DCUN1D4: variants seen among roughly 807,000 people sequenced by gnomAD.
DCUN1D4 encodes the protein DCN1-like protein 4.
Under a neutral mutation model 47.9 loss-of-function variants are expected in DCUN1D4, and 22 were observed. The observed-to-expected ratio is 0.46, with a 90% confidence interval of 0.33 to 0.66. DCUN1D4 has a LOEUF of 0.66. Ranked by LOEUF, DCUN1D4 falls within the 30% of genes least tolerant of loss-of-function variation. The pLI is 0.02. For synonymous variants in DCUN1D4, 121 were observed against 112.2 expected (o/e 1.08, Z -0.50); for missense variants, 301 against 340.8 (o/e 0.88, Z 0.92).
At position 51,900,858 on chromosome 4, in the gene DCUN1D4, C is replaced by T. The variant is rs540288113; in HGVS notation, c.615+1480C>T. On this transcript the variant is annotated intron_variant, in intron 8 of 10. Transcript: ENST00000334635. ...ATCATACCTTCTCTACCCAAATCAG[C>T]TCTATTTTCTAACTTCCTTGACTGG... Among the ~76,000 whole-genome samples the T allele has an allele frequency of 2.3e-4, 35 of 152,160 alleles. No homozygotes were observed. The South Asian group carries it at 4.8e-3, about 21-fold the overall frequency.
intron 1 of DCUN1D4, 123 bp from the exon 2 acceptor site, chr4:51,863,305 TTTAAAAAAC>T (rs1725364377): frequency 1.4e-6 from 1 of 738,772 alleles, no homozygotes; most frequent in African/African-American, 1.8e-5. Flanking sequence ...ATTGCATGTT[TTTAAAAAAC>T]TTTAGTGTCA....
intron 3 of DCUN1D4, 54 bp from the exon 4 acceptor site, chr4:51,874,217 C>A: frequency 8.4e-7 from 1 of 1,183,722 alleles, no homozygotes; most frequent in Non-Finnish European, 1.2e-6. Context: ...TTTGGAAGTA[C>A]AGAGTTAGGA....
intron 3 of DCUN1D4, 89 bp downstream of exon 3, chr4:51,863,798 A>G (rs1381987967): frequency 3.7e-6 from 5 of 1,342,916 alleles, no homozygotes; most frequent in Non-Finnish European, 5.2e-6. Context: ...CTATGTTGTC[A>G]TAATGTACTC....
At chr4:51,885,378 A>T (rs1027921418) in intron 5 of DCUN1D4, among the ~76,000 whole-genome samples, 3 of 152,178 alleles carry the variant, frequency 2.0e-5, no homozygotes, top group African/African-American at 7.2e-5. Context: ...TGTGAGAGAA[A>T]GGAGGAATAC....
chr4:51,859,039 C>T (rs1330167363), intron 1 of DCUN1D4, among the ~76,000 whole-genome samples: 1 of 152,160 alleles, frequency 6.6e-6, no homozygotes, highest in East Asian at 1.9e-4. Flanking sequence ...TTTATTTCTC[C>T]AGATGAACTT....
intron 1 of DCUN1D4, among the ~76,000 whole-genome samples, chr4:51,856,112 A>C (rs1039700277): frequency 6.6e-6 from 1 of 152,196 alleles, no homozygotes; most frequent in African/African-American, 2.4e-5. Flanking sequence ...GATGAGTGCC[A>C]AGGTTAGATG....
At chr4:51,903,333 C>T (rs527498762) in intron 8 of DCUN1D4, among the ~76,000 whole-genome samples, 12 of 152,250 alleles carry the variant, frequency 7.9e-5, no homozygotes, top group Admixed American at 1.3e-4. Flanking sequence ...AGTAATGTCT[C>T]TGCATTGTCT....
At chr4:51,845,596 C>T (rs989908235) in intron 1 of DCUN1D4, among the ~76,000 whole-genome samples, 1 of 152,118 alleles carries the variant, frequency 6.6e-6, no homozygotes, top group Non-Finnish European at 1.5e-5. Flanking sequence ...TTACTGTTTA[C>T]AGGGAAGGGA....
At chr4:51,878,634 C>G (rs1728053799) in intron 5 of DCUN1D4, among the ~76,000 whole-genome samples, 1 of 152,114 alleles carries the variant, frequency 6.6e-6, no homozygotes, top group African/African-American at 2.4e-5. Context: ...CCCTCTAATC[C>G]CAACCCTATC....
intron 1 of DCUN1D4, among the ~76,000 whole-genome samples, chr4:51,857,318 G>A (rs1160360235): frequency 2.0e-5 from 3 of 152,062 alleles, no homozygotes; most frequent in East Asian, 1.9e-4. Context: ...TCTAACTTAC[G>A]GCCCTAATGC....
chr4:51,843,013 G>T, upstream of DCUN1D4: 1 of 1,324,556 alleles, frequency 7.5e-7, no homozygotes, highest in African/African-American at 1.5e-5. Flanking sequence ...GGGGGGCGGG[G>T]CCTCGTTGCC....
At chr4:51,843,690 G>T in intron 1 of DCUN1D4, 2 of 1,242,340 alleles carry the variant, frequency 1.6e-6, no homozygotes, top group Middle Eastern at 2.9e-4. Flanking sequence ...GGGGCACAAG[G>T]GTGAGGATTT....
chr4:51,891,672 C>T (rs1372513132), intron 6 of DCUN1D4, 88 bp from the exon 7 acceptor site: 7 of 1,027,054 alleles, frequency 6.8e-6, no homozygotes, highest in East Asian at 5.4e-5. Flanking sequence ...TTTAGCAAAA[C>T]GTTAATGTAT....
chr4:51,837,221 C>T, the DCUN1D4 span, among the ~76,000 whole-genome samples: 2 of 152,090 alleles, frequency 1.3e-5, no homozygotes, highest in African/African-American at 2.4e-5. Flanking sequence ...CATTTTTATT[C>T]AAATACTTTG....
Position 51,914,913 on chromosome 4 carries a change from C to A in DCUN1D4, c.*1329C>A, listed in dbSNP as rs1667518262. On this transcript the variant is annotated 3_prime_UTR_variant, in exon 11 of 11. Transcript: ENST00000334635. ...ATCTGGTGCTATTGAATGACTAATT[C>A]AGTCCCTAAAGTTCTGTGAAAACAC... 7.2e-6 allele frequency: 1 copy of A among 139,628 alleles called. No homozygotes were observed. The highest frequency in any genetic ancestry group is 8.0e-5 in the Admixed American group (1 of 12,542). 8.6% of individuals were successfully genotyped at this position (139,628 alleles called of 1,614,324 possible). A position where few individuals can be genotyped will look rare whatever the true frequency, so the allele number is the denominator to read the frequency against.
intron 3 of DCUN1D4, among the ~76,000 whole-genome samples, chr4:51,866,640 A>G (rs142106901): frequency 6.6e-6 from 1 of 152,246 alleles, no homozygotes; most frequent in East Asian, 1.9e-4. Context: ...ATGCAGGAAT[A>G]TAACTTTTGG....
At position 51,899,373 on chromosome 4, in the gene DCUN1D4, G is replaced by T; in HGVS notation, c.610G>T (p.Ala204Ser). ...KLIYRYAFDF[A>S]REKDQRSLDI... ...TATTTACAGATATGCGTTTGACTTT[G>T]CACGGGTGAGTTCTCTGGAGCCTAT... Residue 204 changes from alanine to serine, a missense_variant, in exon 8 of 11, where the codon GCA (alanine) becomes TCA (serine). By Grantham distance (99) the Ala-to-Ser change is moderately conservative. Transcript: ENST00000334635. The T allele has an allele frequency of 6.2e-7, 1 of 1,604,880 alleles. No individual in the cohort carries two copies. Among genetic ancestry groups the T allele is most frequent in the South Asian group, 1.1e-5 (1 of 89,574 alleles).
At chr4:51,854,757 C>T (rs1477521052) in intron 1 of DCUN1D4, among the ~76,000 whole-genome samples, 1 of 152,116 alleles carries the variant, frequency 6.6e-6, no homozygotes, top group East Asian at 1.9e-4. Flanking sequence ...CATTTATTCC[C>T]CTATTTATTG....
At chr4:51,860,699 A>G in intron 1 of DCUN1D4, 3 of 451,988 alleles carry the variant, frequency 6.6e-6, no homozygotes, top group South Asian at 4.7e-5. Context: ...AAATGACTGA[A>G]CCCCATAAGA....
Sources: gnomAD v4.1 joint callset for allele counts (sites outside exome capture counted in the v4.1 genomes callset) on GRCh38, gnomAD v4.1.1 for gene constraint, MANE v1.5 for transcripts, NCBI Gene and HGNC (gene_info 2026-07-23, HGNC 2026-07-21) for gene names.